RNF220: variants seen among roughly 807,000 people sequenced by gnomAD.
The protein encoded by RNF220 is E3 ubiquitin-protein ligase RNF220.
A neutral mutation model predicts 67.1 loss-of-function variants in RNF220; 7 were observed. The observed-to-expected ratio is 0.10, with a 90% CI of 0.06 to 0.20. RNF220 has a LOEUF of 0.20. Among genes scored for constraint, RNF220 ranks in the 10% least tolerant of loss-of-function variants. RNF220 has a pLI of 1.00. For missense variants in RNF220, 565 were observed against 740.3 expected, an observed-to-expected ratio of 0.76 and a Z score of 2.75; for synonymous variants, 270 against 283.2, an observed-to-expected ratio of 0.95 and a Z score of 0.47.
Position 44,649,386 on chromosome 1 carries a change from T to G in RNF220, c.1446-275T>G. 5 of 489,310 alleles carry G rather than the reference T, an allele frequency of 1.0e-5. No homozygotes were observed. Among genetic ancestry groups the G allele is most frequent in the East Asian group, 3.8e-5 (1 of 26,188 alleles). The allele number at this position is 489,310 out of a possible 1,614,324, so 30.3% of individuals were successfully genotyped here. A position where few individuals can be genotyped will look rare whatever the true frequency, so the allele number is the denominator to read the frequency against. ...CGGAGATACTAGGAGAGATGACAGA[T>G]TTGGGTGGTTGGGAAGACTGCGAAG... On this transcript the variant is annotated intron_variant, in intron 12 of 14. Coordinates refer to ENST00000361799, the MANE Select transcript of RNF220 (RefSeq NM_018150.4). The surrounding 1 kb of genome is among the most constrained non-coding windows in gnomAD (Gnocchi z 5.9).
At chr1:44,453,515 G>T (rs577404057) in intron 2 of RNF220, among the ~76,000 whole-genome samples, 1 of 151,966 alleles carries the variant, frequency 6.6e-6, no homozygotes, top group South Asian at 2.1e-4. Flanking sequence ...ATCAGGAATG[G>T]ATATTAAAAT....
chr1:44,439,647 A>T (rs1557927674), intron 2 of RNF220, among the ~76,000 whole-genome samples: 1 of 150,254 alleles, frequency 6.7e-6, no homozygotes, highest in Non-Finnish European at 1.5e-5. Context: ...GCATTTTATC[A>T]TTTTTTTTTC....
intron 2 of RNF220, among the ~76,000 whole-genome samples, chr1:44,536,047 A>G (rs1661195400): frequency 6.6e-6 from 1 of 152,204 alleles, no homozygotes; most frequent in Non-Finnish European, 1.5e-5. Flanking sequence ...CTAATAGAGT[A>G]AAACTGAGAA....
chr1:44,520,126 T>TGAGA (rs1265566303), intron 2 of RNF220, among the ~76,000 whole-genome samples: 9 of 132,896 alleles, frequency 6.8e-5, no homozygotes, highest in African/African-American at 2.6e-4. Context: ...TGTGTGTGTG[T>TGAGA]GTGAGAGAGA....
rs749533029 is a variant in RNF220 at position 44,502,155 on chromosome 1, TCTCA to T, written c.625+89435_625+89438del. Among the ~76,000 whole-genome samples the T allele has an allele frequency of 4.0e-3, 429 of 106,088 alleles. 3 individuals carry two copies. The highest frequency in any genetic ancestry group is 0.01 in the African/African-American group (322 of 31,552). 69.6% of individuals were successfully genotyped at this position (106,088 alleles called of 152,430 possible). A position where few individuals can be genotyped will look rare whatever the true frequency, so the allele number is the denominator to read the frequency against. On this transcript the variant is annotated intron_variant, in intron 2 of 14. Transcript: ENST00000361799. The stretch of plus-strand genomic sequence containing the variant: ...CTTTGTCTCTCTCTCTCTCTCTCTC[TCTCA>T]CACACACACACACACACACACACCA...
chr1:44,532,850 G>A lies in RNF220; in HGVS notation c.626-81315G>A, dbSNP rs116392363. 5.3e-3 allele frequency among the ~76,000 whole-genome samples: 808 copies of A among 152,300 alleles called. 4 individuals are homozygous for A. Among genetic ancestry groups the A allele is most frequent in the African/African-American group, 0.019 (776 of 41,552 alleles). On this transcript the variant is annotated intron_variant, in intron 2 of 14. Coordinates refer to ENST00000361799, the MANE Select transcript of RNF220 (RefSeq NM_018150.4). ...ACAGCTCAAAGCAGAAGGGTATACT[G>A]AGGCTTTCTGCTGAATGGTCCTGCC...
chr1:44,509,315 C>T (rs1241296430), intron 2 of RNF220, among the ~76,000 whole-genome samples: 1 of 152,054 alleles, frequency 6.6e-6, no homozygotes, highest in East Asian at 1.9e-4. Context: ...CTTTGGGAGG[C>T]CCAGGAGGGC....
At chr1:44,571,676 A>G (rs937058571) in intron 2 of RNF220, among the ~76,000 whole-genome samples, 2 of 152,210 alleles carry the variant, frequency 1.3e-5, no homozygotes, top group Non-Finnish European at 2.9e-5. Context: ...ATATGCCAGC[A>G]GCTTCTAAAT....
intron 2 of RNF220, among the ~76,000 whole-genome samples, chr1:44,450,262 C>G (rs1652535707): frequency 6.6e-6 from 1 of 152,042 alleles, no homozygotes; most frequent in Non-Finnish European, 1.5e-5. Flanking sequence ...AAACCAGTGC[C>G]CTTGCGAAGC....
intron 2 of RNF220, among the ~76,000 whole-genome samples, chr1:44,538,136 A>G (rs1420405399): frequency 6.6e-6 from 1 of 152,114 alleles, no homozygotes; most frequent in Non-Finnish European, 1.5e-5. Flanking sequence ...CATGCCTTCA[A>G]GTTGTTGATA....
chr1:44,568,165 C>T (rs550602296), intron 2 of RNF220, among the ~76,000 whole-genome samples: 79 of 152,272 alleles, frequency 5.2e-4, no homozygotes, highest in African/African-American at 1.9e-3. Context: ...GACACTGTGC[C>T]ACTCCTCTGC....
chr1:44,626,243 A>C, intron 4 of RNF220, 54 bp from the exon 5 acceptor site: 1 of 1,372,906 alleles, frequency 7.3e-7, no homozygotes, highest in Non-Finnish European at 1.0e-6. Context: ...AACTCTAGGG[A>C]CTGACTGTAG....
At chr1:44,495,368 G>A (rs1181614516) in intron 2 of RNF220, among the ~76,000 whole-genome samples, 1 of 152,186 alleles carries the variant, frequency 6.6e-6, no homozygotes, top group Non-Finnish European at 1.5e-5. Context: ...GTAGTGCTAG[G>A]CACGAAGGTT....
chr1:44,450,506 C>T (rs1198388625), intron 2 of RNF220, among the ~76,000 whole-genome samples: 1 of 152,146 alleles, frequency 6.6e-6, no homozygotes, highest in African/African-American at 2.4e-5. Context: ...TCTATTTATA[C>T]ATGTATACAT....
intron 8 of RNF220, among the ~76,000 whole-genome samples, chr1:44,642,547 C>T (rs1378617838): frequency 3.3e-5 from 5 of 152,074 alleles, no homozygotes; most frequent in African/African-American, 9.7e-5. Context: ...GGCATGGGGG[C>T]ATGAGAAAGC....
At chr1:44,550,486 A>C (rs1662540764) in intron 2 of RNF220, among the ~76,000 whole-genome samples, 1 of 152,162 alleles carries the variant, frequency 6.6e-6, no homozygotes, top group Non-Finnish European at 1.5e-5. Context: ...AATCTCCCCT[A>C]GGTGCATGGG....
chr1:44,507,320 T>G (rs1202167187), intron 2 of RNF220, among the ~76,000 whole-genome samples: 1 of 152,132 alleles, frequency 6.6e-6, no homozygotes, highest in Non-Finnish European at 1.5e-5. Context: ...TCCAGTGGCT[T>G]TAAGCTACAG....
Position 44,645,034 on chromosome 1 carries a change from G to A in RNF220, c.1263G>A (p.Glu421=). 6.2e-7 allele frequency: 1 copy of A among 1,614,128 alleles called. No individual in the cohort carries two copies. The highest frequency in any genetic ancestry group is 8.5e-7 in the Non-Finnish European group (1 of 1,180,010). The change falls in exon 10 of 15, where the codon GAG becomes GAA. Residue 421 remains glutamate (E), a synonymous_variant. Coordinates refer to ENST00000361799, the MANE Select transcript of RNF220 (RefSeq NM_018150.4). This position sits in a 1 kb window ranked among gnomAD's most constrained non-coding sequence, Gnocchi z 5.0. ...EADVIPCTGE[E]PGEAKEREAL... Reference sequence around the variant, plus strand: ...ATGTCATCCCCTGCACAGGCGAGGAGCCTGGTGAAGCCAAGGAGAGAGAGG... The same window carrying A: ...ATGTCATCCCCTGCACAGGCGAGGAACCTGGTGAAGCCAAGGAGAGAGAGG...
intron 2 of RNF220, among the ~76,000 whole-genome samples, chr1:44,498,288 T>C (rs992548442): frequency 2.0e-5 from 3 of 152,074 alleles, no homozygotes; most frequent in Non-Finnish European, 2.9e-5. Context: ...TACCCCAAGC[T>C]CCAGCACACA....
Sources: gnomAD v4.1 joint callset for allele counts (sites outside exome capture counted in the v4.1 genomes callset) on GRCh38, gnomAD v4.1.1 for gene constraint, Gnocchi (gnomAD v3.1) non-coding constraint, MANE v1.5 for transcripts, NCBI Gene and HGNC (gene_info 2026-07-23, HGNC 2026-07-21) for gene names.